Variants in PTCH1 observed in about 807,000 individuals in gnomAD.
PTCH1 encodes protein patched homolog 1.
A neutral mutation model predicts 144.6 loss-of-function variants in PTCH1; 14 were observed. That is an observed-to-expected ratio of 0.10 (90% CI 0.06 to 0.15). PTCH1 has a LOEUF of 0.15. PTCH1 is among the 10% of genes least tolerant of loss of function. The pLI, the probability that PTCH1 is intolerant of heterozygous loss-of-function variation, is 1.00. For synonymous variants in PTCH1, 833 were observed against 793.6 expected (o/e 1.05, Z -0.83); for missense variants, 1,623 against 1,948.3 (o/e 0.83, Z 3.14).
At chr9:95,475,339 C>G (rs1039390898) in intron 12 of PTCH1, among the ~76,000 whole-genome samples, 1 of 152,202 alleles carries the variant, frequency 6.6e-6, no homozygotes, top group Admixed American at 6.5e-5. Context: ...GAGGGGCCCA[C>G]GTGCTCTGCA....
intron 12 of PTCH1, among the ~76,000 whole-genome samples, chr9:95,474,747 A>C (rs1312116104): frequency 6.6e-6 from 1 of 152,150 alleles, no homozygotes. Context: ...CTTACATGAC[A>C]AATGGAAAGA....
At position 95,515,234 on chromosome 9, in the gene PTCH1, G is replaced by C. The variant is rs76975402; in HGVS notation, c.3+1235C>G. ...AACCTAAAAGAAATGCACACACACA[G>C]AATGCTGAAAAAGGACTATTGTGGT... On this transcript the variant is annotated intron_variant, in intron 1 of 22. Coordinates refer to the PTCH1 transcript ENST00000430669. 8.3e-3 allele frequency among the ~76,000 whole-genome samples: 1,267 copies of C among 152,170 alleles called. 21 individuals are homozygous for C. The highest frequency in any genetic ancestry group is 0.024 in the East Asian group (124 of 5,186).
chr9:95,443,442 G>A lies in PTCH1; in HGVS notation c.*2951C>T, dbSNP rs1837636381. The A allele has an allele frequency of 6.6e-6, 1 of 152,602 alleles. No individual in the cohort carries two copies. 9.5% of individuals were successfully genotyped at this position (152,602 alleles called of 1,614,324 possible). On this transcript the variant is annotated 3_prime_UTR_variant, in exon 24 of 24. Coordinates refer to ENST00000331920, the MANE Select transcript of PTCH1 (RefSeq NM_000264.5). ...ACAAGTTATATTATTTTTTATTCAT[G>A]TTAGAATTTCTATCAGTGTTTGAAC...
rs573834682 is a variant in PTCH1 at position 95,472,663 on chromosome 9, C to T, written c.1729-2732G>A. Among the ~76,000 whole-genome samples the T allele has an allele frequency of 2.0e-3, 305 of 152,260 alleles. 1 individual carries two copies. Among genetic ancestry groups the T allele is most frequent in the African/African-American group, 7.0e-3 (292 of 41,542 alleles). Reference sequence around the variant, plus strand: ...CACGGGCACAGGCATGGGCACCAGCCGGCCTCATCGGTCAGAGAAGCCTGC... The same window carrying T: ...CACGGGCACAGGCATGGGCACCAGCTGGCCTCATCGGTCAGAGAAGCCTGC... On this transcript the variant is annotated intron_variant, in intron 12 of 23. Transcript: ENST00000331920.
intron 1 of PTCH1, among the ~76,000 whole-genome samples, chr9:95,515,011 CAT>C (rs756959101): frequency 7.9e-5 from 12 of 152,174 alleles, no homozygotes; most frequent in African/African-American, 2.9e-4. Flanking sequence ...CTGGAACACA[CAT>C]AAACTCACAA....
intron 2 of PTCH1, chr9:95,494,160 C>T (rs940494799): frequency 4.6e-5 from 45 of 974,520 alleles, no homozygotes; most frequent in Non-Finnish European, 5.5e-5. Flanking sequence ...AACGCGCATG[C>T]GCCGGAAGCA....
intron 2 of PTCH1, among the ~76,000 whole-genome samples, chr9:95,495,618 G>C (rs1210943304): frequency 1.3e-5 from 2 of 151,886 alleles, no homozygotes; most frequent in Admixed American, 6.6e-5. Context: ...CTTATATTTT[G>C]TTCAAGGCTA....
rs755378815 is a variant in PTCH1 at position 95,458,345 on chromosome 9, C to T, written c.2888-52G>A. 1 of 1,590,192 alleles carries T rather than the reference C, an allele frequency of 6.3e-7. No homozygotes were observed. Among genetic ancestry groups the T allele is most frequent in the South Asian group, 1.1e-5 (1 of 88,214 alleles). ...AGCAGCCCAGGGTAGAAGAGCATCA[C>T]AGTTTCAATGGAAAGAGAGAAGAAC... On this transcript the variant is annotated intron_variant, in intron 17 of 23. Coordinates refer to ENST00000331920, the MANE Select transcript of PTCH1 (RefSeq NM_000264.5). This position sits in a 1 kb window ranked among gnomAD's most constrained non-coding sequence, Gnocchi z 4.7.
chr9:95,477,078 T>C (rs1196903134), intron 10 of PTCH1, among the ~76,000 whole-genome samples: 1 of 152,260 alleles, frequency 6.6e-6, no homozygotes, highest in Non-Finnish European at 1.5e-5. Context: ...TATCATTTTT[T>C]AAGCTAGTAA....
rs553179353 is a variant in PTCH1, at chr9:95,506,817, G to C, written c.202-218C>G. The stretch of plus-strand genomic sequence containing the variant: ...GCCGCAGCGTGGGAGCTGCACCTCG[G>C]GGACATCAGGGCGCCCCCACCCGCG... On this transcript the variant is annotated intron_variant, in intron 1 of 23. Coordinates refer to ENST00000331920, the MANE Select transcript of PTCH1 (RefSeq NM_000264.5). The C allele has an allele frequency of 1.4e-5, 16 of 1,139,722 alleles. No individual in the cohort carries two copies. The African/African-American group carries it at 2.6e-4, about 19-fold the overall frequency. 70.6% of individuals were successfully genotyped at this position (1,139,722 alleles called of 1,614,324 possible). A position where few individuals can be genotyped will look rare whatever the true frequency, so the allele number is the denominator to read the frequency against.
Position 95,446,362 on chromosome 9 carries a change from T to C in PTCH1, c.*31A>G, listed in dbSNP as rs753350730. ...GGTGGGGGTGGGGGGTTTCCAATCT[T>C]TGGCCTCTTTGCTTCAGATTTTAAT... On this transcript the variant is annotated 3_prime_UTR_variant, in exon 24 of 24. Coordinates refer to ENST00000331920, the MANE Select transcript of PTCH1 (RefSeq NM_000264.5). 1 of 518,518 alleles carries C rather than the reference T, an allele frequency of 1.9e-6. No individual in the cohort carries two copies. The highest frequency in any genetic ancestry group is 3.8e-6 in the Non-Finnish European group (1 of 259,754). 32.1% of individuals were successfully genotyped at this position (518,518 alleles called of 1,614,324 possible). A position where few individuals can be genotyped will look rare whatever the true frequency, so the allele number is the denominator to read the frequency against.
chr9:95,460,590 G>T (rs996708915), intron 16 of PTCH1, among the ~76,000 whole-genome samples: 2 of 152,208 alleles, frequency 1.3e-5, no homozygotes, highest in Non-Finnish European at 2.9e-5. Context: ...GAGAAGGAGT[G>T]AAGGAAGAAG....
intron 2 of PTCH1, among the ~76,000 whole-genome samples, chr9:95,499,805 CGAG>C (rs1270243595): frequency 6.6e-6 from 1 of 151,932 alleles, no homozygotes; most frequent in Non-Finnish European, 1.5e-5. Context: ...AACACATCCC[CGAG>C]GAGAACTGAA....
At position 95,443,938 on chromosome 9, in the gene PTCH1, C is replaced by T. The variant is rs1339500545; in HGVS notation, c.*2455G>A. ...ATGTTATATACTCTGAACTATTTAA[C>T]ATTAGTAAGCACTCTATACAAATAA... On this transcript the variant is annotated 3_prime_UTR_variant, in exon 24 of 24. Transcript: ENST00000331920. 1 of 152,550 alleles carries T rather than the reference C, an allele frequency of 6.6e-6. No homozygotes were observed. Among genetic ancestry groups the T allele is most frequent in the Non-Finnish European group, 1.5e-5 (1 of 68,030 alleles). 9.4% of individuals were successfully genotyped at this position (152,550 alleles called of 1,614,324 possible).
intron 1 of PTCH1, among the ~76,000 whole-genome samples, chr9:95,515,149 T>C (rs942309902): frequency 6.6e-6 from 1 of 152,224 alleles, no homozygotes; most frequent in Non-Finnish European, 1.5e-5. Context: ...TGTCTTTCTT[T>C]GTGGAGGCGA....
upstream of PTCH1, chr9:95,514,152 C>G (rs1364287380): frequency 6.6e-6 from 1 of 152,210 alleles, no homozygotes; most frequent in Admixed American, 6.5e-5. Flanking sequence ...TCACCAACTG[C>G]TGAATGTTCA....
rs1243515787 is a variant in PTCH1 at position 95,449,390 on chromosome 9, A to G, written c.3550-67T>C. On this transcript the variant is annotated intron_variant, in intron 21 of 23. Transcript: ENST00000331920. This position sits in a 1 kb window ranked among gnomAD's most constrained non-coding sequence, Gnocchi z 5.3. ...TACCTGCTGGCCACACTCAAAGCTC[A>G]AAGCACGGTATTTTTCAGGGGCCTC... 6.5e-7 allele frequency: 1 copy of G among 1,532,712 alleles called. No individual in the cohort carries two copies. Among genetic ancestry groups the G allele is most frequent in the Non-Finnish European group, 8.7e-7 (1 of 1,142,876 alleles). The allele number at this position is 1,532,712 out of a possible 1,614,324, so 94.9% of individuals were successfully genotyped here.
intron 2 of PTCH1, among the ~76,000 whole-genome samples, chr9:95,504,997 G>A (rs568588345): frequency 6.6e-6 from 1 of 152,174 alleles, no homozygotes; most frequent in Non-Finnish European, 1.5e-5. Context: ...TCGCTGAACT[G>A]AGGTAAATTA....
At chr9:95,494,680 G>T (rs1240855881) in intron 2 of PTCH1, among the ~76,000 whole-genome samples, 1 of 152,162 alleles carries the variant, frequency 6.6e-6, no homozygotes, top group Non-Finnish European at 1.5e-5. Flanking sequence ...TGGCTCAGAG[G>T]CCACACTCCA....
Sources: allele counts gnomAD v4.1 joint callset (sites outside exome capture counted in the v4.1 genomes callset), GRCh38; gene constraint gnomAD v4.1.1; non-coding constraint Gnocchi (gnomAD v3.1); transcripts MANE v1.5; gene names NCBI Gene and HGNC (gene_info 2026-07-23, HGNC 2026-07-21).